Variants in ROBO2 observed in about 807,000 individuals in gnomAD.
ROBO2 encodes roundabout guidance receptor 2.
In ROBO2, 53 loss-of-function variants were observed where a neutral mutation model predicts 160.8. That is an observed-to-expected ratio of 0.33 (90% CI 0.26 to 0.41). The LOEUF is 0.41. Ranked by LOEUF, ROBO2 falls within the 10% of genes least tolerant of loss-of-function variation. The pLI is 1.00. For missense variants in ROBO2, 1,577 were observed against 1,722.4 expected (o/e 0.92, Z 1.49); for synonymous variants, 664 against 611.7 (o/e 1.09, Z -1.26).
At chr3:77,140,401 C>T (rs2076612341) in intron 2 of ROBO2, among the ~76,000 whole-genome samples, 1 of 152,142 alleles carries the variant, frequency 6.6e-6, no homozygotes, top group Admixed American at 6.6e-5. Flanking sequence ...AGGAGACAGA[C>T]ATTTTATTTA....
At chr3:76,574,012 T>A (rs541548338) in intron 2 of ROBO2, among the ~76,000 whole-genome samples, 2 of 152,242 alleles carry the variant, frequency 1.3e-5, no homozygotes, top group African/African-American at 4.8e-5. Context: ...TCATGGTTAT[T>A]TGTGTATGTG....
intron 2 of ROBO2, among the ~76,000 whole-genome samples, chr3:77,015,136 C>T (rs1320561850): frequency 2.6e-5 from 4 of 152,078 alleles, no homozygotes; most frequent in Non-Finnish European, 5.9e-5. Context: ...CAATGCGACT[C>T]ATCATAAGAG....
chr3:76,846,659 C>G (rs1032611578), intron 2 of ROBO2, among the ~76,000 whole-genome samples: 4 of 152,110 alleles, frequency 2.6e-5, no homozygotes, highest in Non-Finnish European at 5.9e-5. Context: ...GATTTACTGG[C>G]TCTTCAGAGA....
chr3:77,247,150 A>G (rs532472612), intron 2 of ROBO2, among the ~76,000 whole-genome samples: 2 of 152,330 alleles, frequency 1.3e-5, no homozygotes, highest in Admixed American at 6.5e-5. Flanking sequence ...TCTTTAGTCC[A>G]TGTCTCGAGT....
At chr3:77,267,288 A>G (rs1185938672) in intron 2 of ROBO2, among the ~76,000 whole-genome samples, 1 of 152,224 alleles carries the variant, frequency 6.6e-6, no homozygotes, top group Non-Finnish European at 1.5e-5. Flanking sequence ...GCCTTAATTT[A>G]TATAAATGGA....
chr3:76,308,399 AAAG>A (rs2071424691), intron 2 of ROBO2, among the ~76,000 whole-genome samples: 2 of 139,158 alleles, frequency 1.4e-5, no homozygotes, highest in South Asian at 4.6e-4. Flanking sequence ...AAAAAAAAAG[AAAG>A]AAAGAAAAGC....
At chr3:76,570,816 C>A (rs532452309) in intron 2 of ROBO2, among the ~76,000 whole-genome samples, 2 of 152,146 alleles carry the variant, frequency 1.3e-5, no homozygotes, top group African/African-American at 4.8e-5. Flanking sequence ...TAGCCCTGCT[C>A]CTCAAATAAG....
chr3:76,946,629 G>A (rs2078562295), intron 2 of ROBO2, among the ~76,000 whole-genome samples: 1 of 152,080 alleles, frequency 6.6e-6, no homozygotes, highest in Non-Finnish European at 1.5e-5. Context: ...GTAGGGATGA[G>A]GTTTCACCAT....
At chr3:77,000,893 T>C (rs1440233895) in intron 2 of ROBO2, among the ~76,000 whole-genome samples, 3 of 152,170 alleles carry the variant, frequency 2.0e-5, no homozygotes, top group East Asian at 1.9e-4. Context: ...ATTTATAAAA[T>C]CTGAATAATA....
At chr3:77,097,722 ATGCT>A (rs1560000370) in intron 1 of ROBO2, among the ~76,000 whole-genome samples, 2 of 152,108 alleles carry the variant, frequency 1.3e-5, no homozygotes, top group Admixed American at 6.6e-5. Flanking sequence ...CTTAGTACCC[ATGCT>A]GATCCCAGAA....
At chr3:76,390,430 G>C (rs1403029161) in intron 2 of ROBO2, among the ~76,000 whole-genome samples, 1 of 151,934 alleles carries the variant, frequency 6.6e-6, no homozygotes, top group Non-Finnish European at 1.5e-5. Context: ...ATTTTAACTT[G>C]ATGGAAAATG....
chr3:76,973,050 A>G (rs1213169982), intron 2 of ROBO2, among the ~76,000 whole-genome samples: 1 of 152,202 alleles, frequency 6.6e-6, no homozygotes, highest in Non-Finnish European at 1.5e-5. Flanking sequence ...ACAAGTTAAC[A>G]GTACAAATAT....
At chr3:77,574,368 C>G (rs1049836026) in intron 13 of ROBO2, 131 bp from the exon 15 acceptor site, 2 of 752,818 alleles carry the variant, frequency 2.7e-6, no homozygotes, top group Non-Finnish European at 4.6e-6. Context: ...GAGAGATTAG[C>G]TAGAAAGTCA....
At position 77,558,166 on chromosome 3, in the gene ROBO2, T is replaced by A; in HGVS notation, c.1437+17T>A. Reference sequence around the variant, plus strand: ...AATTTACGGGTAAGTAATATTGGACTTGTACATGAATTATCATCTACACAT... The same window carrying A: ...AATTTACGGGTAAGTAATATTGGACATGTACATGAATTATCATCTACACAT... On this transcript the variant is annotated intron_variant, in intron 9 of 25. Coordinates refer to ENST00000461745, the Ensembl canonical transcript of ROBO2. The A allele has an allele frequency of 6.2e-7, 1 of 1,601,536 alleles. No individual in the cohort carries two copies. Among genetic ancestry groups the A allele is most frequent in the Non-Finnish European group, 8.6e-7 (1 of 1,168,990 alleles).
intron 2 of ROBO2, among the ~76,000 whole-genome samples, chr3:76,049,367 C>A (rs540562277): frequency 6.1e-5 from 8 of 131,638 alleles, no homozygotes; most frequent in African/African-American, 1.9e-4. Flanking sequence ...CATGCCACCA[C>A]CCCTGGCTAA....
chr3:76,654,991 T>G (rs189162200), intron 2 of ROBO2, among the ~76,000 whole-genome samples: 55 of 150,190 alleles, frequency 3.7e-4, no homozygotes, highest in African/African-American at 1.3e-3. Flanking sequence ...TACCTTAATA[T>G]TCACTTGATT....
chr3:77,238,911 A>C (rs991172411), intron 2 of ROBO2, among the ~76,000 whole-genome samples: 6 of 152,118 alleles, frequency 3.9e-5, no homozygotes, highest in African/African-American at 1.4e-4. Context: ...TTGAGCAATT[A>C]TCATTCATTT....
chr3:77,454,198 T>A, intron 2 of ROBO2, among the ~76,000 whole-genome samples: 1 of 152,198 alleles, frequency 6.6e-6, no homozygotes, highest in Non-Finnish European at 1.5e-5. Context: ...AAATCTTGTC[T>A]GGGACACTGA....
intron 1 of ROBO2, among the ~76,000 whole-genome samples, chr3:77,053,378 A>G (rs982200593): frequency 3.9e-5 from 6 of 152,162 alleles, no homozygotes; most frequent in Admixed American, 1.3e-4. Flanking sequence ...GCCCTTCTGT[A>G]TATACTCATG....
Sources: gnomAD v4.1 joint callset for allele counts (sites outside exome capture counted in the v4.1 genomes callset) on GRCh38, gnomAD v4.1.1 for gene constraint, MANE v1.5 for transcripts, NCBI Gene and HGNC (gene_info 2026-07-23, HGNC 2026-07-21) for gene names.